BBS9: variants seen among roughly 807,000 people sequenced by gnomAD.
BBS9 encodes Bardet-Biedl syndrome 9.
A neutral mutation model predicts 117.7 loss-of-function variants in BBS9; 89 were observed. That is an observed-to-expected ratio of 0.76 (90% CI 0.64 to 0.90). The LOEUF (loss-of-function observed/expected upper bound fraction) is 0.90. Among genes scored for constraint, BBS9 ranks in the 40% least tolerant of loss-of-function variants. The pLI, the probability that BBS9 is intolerant of heterozygous loss-of-function variation, is 0.00. For synonymous variants in BBS9, 379 were observed against 370.9 expected (o/e 1.02, Z -0.25); for missense variants, 982 against 1,042.2 (o/e 0.94, Z 0.80).
At chr7:33,319,539 C>T (rs879512458) in intron 9 of BBS9, among the ~76,000 whole-genome samples, 5 of 152,128 alleles carry the variant, frequency 3.3e-5, no homozygotes, top group Admixed American at 1.3e-4. Context: ...CCTTTTCACC[C>T]CGTATATGCC....
At chr7:33,264,526 G>T (rs975393231) in intron 7 of BBS9, 152 bp downstream of exon 7, 1 of 488,030 alleles carries the variant, frequency 2.0e-6, no homozygotes, top group Non-Finnish European at 3.6e-6. Flanking sequence ...TAAGAATTGA[G>T]TTGGTTGTTG....
intron 5 of BBS9, among the ~76,000 whole-genome samples, chr7:33,205,374 C>G (rs530398418): frequency 6.6e-6 from 1 of 152,314 alleles, no homozygotes; most frequent in African/African-American, 2.4e-5. Flanking sequence ...TTTCTAATTA[C>G]TTAATCCCAA....
At chr7:33,599,015 C>T (rs555421419) in intron 21 of BBS9, among the ~76,000 whole-genome samples, 1 of 152,166 alleles carries the variant, frequency 6.6e-6, no homozygotes, top group Non-Finnish European at 1.5e-5. Context: ...TGCACTATGA[C>T]AGCAAAATGG....
chr7:33,565,010 T>C (rs1343436771), intron 21 of BBS9, among the ~76,000 whole-genome samples: 1 of 152,212 alleles, frequency 6.6e-6, no homozygotes, highest in Non-Finnish European at 1.5e-5. Flanking sequence ...ATGGTTGGTA[T>C]TAGGTGAACC....
intron 19 of BBS9, among the ~76,000 whole-genome samples, chr7:33,481,058 T>C (rs1215616862): frequency 6.6e-6 from 1 of 152,112 alleles, no homozygotes; most frequent in Non-Finnish European, 1.5e-5. Flanking sequence ...TTATCCAGTC[T>C]CAGGGAGTTT....
intron 17 of BBS9, among the ~76,000 whole-genome samples, chr7:33,375,596 T>TTTC (rs1491271545): frequency 0.016 from 1,505 of 95,670 alleles, 18 homozygotes; most frequent in African/African-American, 0.046. Flanking sequence ...TCTTTCTTTC[T>TTTC]TTTTTTTTTT....
At chr7:33,152,354 G>C (rs913327139) in intron 2 of BBS9, among the ~76,000 whole-genome samples, 1 of 152,108 alleles carries the variant, frequency 6.6e-6, no homozygotes, top group Non-Finnish European at 1.5e-5. Flanking sequence ...TATAGAGTTG[G>C]CCTCTATGAT....
intron 9 of BBS9, among the ~76,000 whole-genome samples, chr7:33,281,603 TAGCCTCA>T (rs1477383441): frequency 6.6e-6 from 1 of 151,942 alleles, no homozygotes; most frequent in Non-Finnish European, 1.5e-5. Flanking sequence ...CTTGAACTCC[TAGCCTCA>T]AGCCATTCTC....
chr7:33,174,552 G>C (rs980442658), intron 4 of BBS9, among the ~76,000 whole-genome samples: 1 of 152,140 alleles, frequency 6.6e-6, no homozygotes, highest in Admixed American at 6.5e-5. Flanking sequence ...TTACAACTCA[G>C]CATTCACCCC....
rs1850991747 is a variant in BBS9 at position 33,534,043 on chromosome 7, C to T, written c.2388C>T (p.Asn796=). The change falls in exon 21 of 23, where the codon AAC becomes AAT. Residue 796 remains asparagine (N), a synonymous_variant. Coordinates refer to ENST00000242067, the MANE Select transcript of BBS9 (RefSeq NM_198428.3). The stretch of plus-strand genomic sequence containing the variant: ...CTAAGGAGCAGGCTTTGAACCTCAA[C>T]AGCCAGCTGAACATACCCAAAGACA... The part of the protein sequence containing the change: ...KSSKEQALNL[N]SQLNIPKDTS... The T allele has an allele frequency of 6.2e-7, 1 of 1,614,094 alleles. No homozygotes were observed. The highest frequency in any genetic ancestry group is 1.3e-5 in the African/African-American group (1 of 74,920).
At chr7:33,184,466 G>A (rs1031764642) in intron 5 of BBS9, among the ~76,000 whole-genome samples, 3 of 152,148 alleles carry the variant, frequency 2.0e-5, no homozygotes, top group Admixed American at 6.5e-5. Context: ...ACTGAGAGGG[G>A]CCTCTAACCG....
intron 9 of BBS9, among the ~76,000 whole-genome samples, chr7:33,325,074 C>G (rs761937800): frequency 6.6e-6 from 1 of 152,224 alleles, no homozygotes; most frequent in Non-Finnish European, 1.5e-5. Flanking sequence ...CTACCTCTAT[C>G]TTTGTCTCTA....
chr7:33,342,728 C>T (rs547690331), intron 11 of BBS9, among the ~76,000 whole-genome samples: 131 of 152,158 alleles, frequency 8.6e-4, no homozygotes, highest in Middle Eastern at 3.4e-3. Context: ...ATAGCCATTT[C>T]TTTCTTGCTA....
chr7:33,459,156 T>C (rs1038953545), intron 19 of BBS9, among the ~76,000 whole-genome samples: 6 of 152,112 alleles, frequency 3.9e-5, no homozygotes, highest in African/African-American at 1.4e-4. Flanking sequence ...CTCCTTTCCA[T>C]TGAGATCCCT....
At chr7:33,470,995 A>G (rs1244970068) in intron 19 of BBS9, among the ~76,000 whole-genome samples, 1 of 152,170 alleles carries the variant, frequency 6.6e-6, no homozygotes, top group Non-Finnish European at 1.5e-5. Context: ...ATACAGGTTC[A>G]TTTTCCTGCG....
At chr7:33,369,283 A>AT (rs1488339984) in intron 17 of BBS9, among the ~76,000 whole-genome samples, 1 of 152,212 alleles carries the variant, frequency 6.6e-6, no homozygotes, top group Admixed American at 6.5e-5. Context: ...TGATGGTGCC[A>AT]TATAATGAAT....
At chr7:33,574,072 T>C (rs1585315273) in intron 21 of BBS9, among the ~76,000 whole-genome samples, 1 of 152,144 alleles carries the variant, frequency 6.6e-6, no homozygotes, top group African/African-American at 2.4e-5. Context: ...TTACCTGATA[T>C]CACATAGCAT....
At chr7:33,224,039 A>G (rs1790774575) in intron 5 of BBS9, among the ~76,000 whole-genome samples, 1 of 152,214 alleles carries the variant, frequency 6.6e-6, no homozygotes, top group African/African-American at 2.4e-5. Flanking sequence ...TAAATGTGGT[A>G]AATATAATAT....
intron 21 of BBS9, 133 bp downstream of exon 21, chr7:33,534,309 C>A: frequency 1.1e-6 from 1 of 935,536 alleles, no homozygotes. Flanking sequence ...TTCACGTTTC[C>A]CCTCTGACAT....
Sources: allele counts gnomAD v4.1 joint callset (sites outside exome capture counted in the v4.1 genomes callset), GRCh38; gene constraint gnomAD v4.1.1; transcripts MANE v1.5; gene names NCBI Gene and HGNC (gene_info 2026-07-23, HGNC 2026-07-21).